Variants in PREX2 observed in about 807,000 individuals in gnomAD.
PREX2 encodes phosphatidylinositol-3,4,5-trisphosphate dependent Rac exchange factor 2.
PREX2 carries 107 observed loss-of-function variants against 203.2 expected under a neutral mutation model. The observed-to-expected ratio is 0.53, with a 90% confidence interval of 0.45 to 0.62. The LOEUF is 0.62. Ranked by LOEUF, PREX2 falls within the 20% of genes least tolerant of loss-of-function variation. The probability of loss-of-function intolerance (pLI) is 0.00; values close to 1 mark genes in which losing one functional copy is unlikely to be tolerated. For missense variants in PREX2, 1,777 were observed against 1,955.9 expected (o/e 0.91, Z 1.72); for synonymous variants, 672 against 663.6 (o/e 1.01, Z -0.19).
chr8:68,016,844 T>C (rs1807421697), intron 1 of PREX2, among the ~76,000 whole-genome samples: 1 of 152,164 alleles, frequency 6.6e-6, no homozygotes, highest in South Asian at 2.1e-4. Context: ...CTCAAACTCC[T>C]GGCCTTAAGG....
intron 22 of PREX2, among the ~76,000 whole-genome samples, chr8:68,097,434 C>T (rs1673655206): frequency 6.6e-6 from 1 of 151,914 alleles, no homozygotes; most frequent in Admixed American, 6.6e-5. Context: ...AAGCAATTCT[C>T]ATGCCTCAGT....
intron 1 of PREX2, among the ~76,000 whole-genome samples, chr8:67,980,708 TAGTG>T (rs1288331620): frequency 1.3e-5 from 2 of 152,238 alleles, no homozygotes; most frequent in African/African-American, 2.4e-5. Flanking sequence ...GTTCTCATGA[TAGTG>T]AGTGAGCTCT....
chr8:68,070,961 A>G (rs767987563), intron 13 of PREX2, among the ~76,000 whole-genome samples: 1 of 152,178 alleles, frequency 6.6e-6, no homozygotes, highest in South Asian at 2.1e-4. Context: ...TGACTCTGCC[A>G]TAATTCTTTC....
At chr8:68,172,559 A>G (rs1294434792) in intron 35 of PREX2, among the ~76,000 whole-genome samples, 1 of 152,246 alleles carries the variant, frequency 6.6e-6, no homozygotes, top group African/African-American at 2.4e-5. Context: ...ATGCATGAGT[A>G]CAAGAAGATA....
chr8:68,113,439 T>C (rs534609371), intron 25 of PREX2, among the ~76,000 whole-genome samples: 6 of 152,270 alleles, frequency 3.9e-5, no homozygotes, highest in South Asian at 4.1e-4. Context: ...ATAATTGGAG[T>C]TAGTCTAATG....
chr8:68,173,916 A>G (rs1420553539), intron 35 of PREX2, among the ~76,000 whole-genome samples: 1 of 152,224 alleles, frequency 6.6e-6, no homozygotes, highest in Non-Finnish European at 1.5e-5. Flanking sequence ...AGGAAAAATA[A>G]GCATACCCCA....
intron 39 of PREX2, among the ~76,000 whole-genome samples, chr8:68,228,068 T>C (rs1563596397): frequency 6.6e-6 from 1 of 152,228 alleles, no homozygotes; most frequent in East Asian, 1.9e-4. Flanking sequence ...GGTATTGTGA[T>C]AGGATAGAAT....
rs1158732139 is a variant in PREX2 at position 68,120,211 on chromosome 8, A to T, written c.3520A>T (p.Asn1174Tyr). The T allele has an allele frequency of 2.5e-6, 4 of 1,611,980 alleles. No individual in the cohort carries two copies. In the Admixed American group the frequency reaches 6.7e-5, roughly 27 times the overall value. ...HLFSQVDSITNLLKGQAVVRA... is the reference protein window; with the variant it reads ...HLFSQVDSITYLLKGQAVVRA... ...CTATTGATAGGTGGATTCAATTACC[A>T]ATCTCCTAAAAGGGCAGGCTGTTGT... Residue 1174 changes from asparagine (N) to tyrosine (Y), a missense_variant, in exon 29 of 40, where the codon AAT becomes TAT. Asn to Tyr is a moderately radical substitution (Grantham distance 143). Transcript: ENST00000288368.
intron 35 of PREX2, among the ~76,000 whole-genome samples, chr8:68,182,051 A>G (rs1812095292): frequency 6.6e-6 from 1 of 152,098 alleles, no homozygotes; most frequent in Admixed American, 6.6e-5. Context: ...GATGTGGAAG[A>G]TGAGTCTGGA....
intron 22 of PREX2, among the ~76,000 whole-genome samples, chr8:68,098,934 A>G (rs867626048): frequency 6.6e-5 from 7 of 106,152 alleles, no homozygotes; most frequent in Admixed American, 1.1e-4. Flanking sequence ...CTACATATAT[A>G]TGTGTATATA....
intron 15 of PREX2, 66 bp from the exon 16 acceptor site, chr8:68,080,377 C>G: frequency 7.1e-7 from 1 of 1,410,154 alleles, no homozygotes; most frequent in Non-Finnish European, 1.0e-6. Context: ...GTAAATGTCA[C>G]TGCTATTGAA....
rs1325456026 is a variant in PREX2 at position 68,217,737 on chromosome 8, T to G, written c.4707+19T>G. The G allele has an allele frequency of 6.4e-7, 1 of 1,566,856 alleles. No homozygotes were observed. The highest frequency in any genetic ancestry group is 1.7e-5 in the Admixed American group (1 of 59,676). On this transcript the variant is annotated intron_variant, in intron 38 of 39. Coordinates refer to ENST00000288368, the MANE Select transcript of PREX2 (RefSeq NM_024870.4). Reference sequence around the variant, plus strand: ...GAAGCAGGTAGGTCTCATGCAGACTTGGGAATAGTTGTTTTGTAGGCCCTG... The same window carrying G: ...GAAGCAGGTAGGTCTCATGCAGACTGGGGAATAGTTGTTTTGTAGGCCCTG...
intron 4 of PREX2, among the ~76,000 whole-genome samples, chr8:68,022,453 C>T (rs1280740436): frequency 6.6e-6 from 1 of 152,092 alleles, no homozygotes. Context: ...GTGTCCTTTA[C>T]TTCTGCTGAC....
At position 68,134,392 on chromosome 8, in the gene PREX2, C is replaced by T. The variant is rs543618498; in HGVS notation, c.3984+116C>T. ...CTGGTTATCTCTATGAATGTGCGTG[C>T]ATTCAGCTACTTTAAAAATATACAT... On this transcript the variant is annotated intron_variant, in intron 32 of 39. Transcript: ENST00000288368. 69 of 737,906 alleles carry T rather than the reference C, an allele frequency of 9.4e-5. No individual in the cohort carries two copies. In the South Asian group the frequency reaches 1.2e-3, roughly 13 times the overall value. 45.7% of individuals were successfully genotyped at this position (737,906 alleles called of 1,614,324 possible). A position where few individuals can be genotyped will look rare whatever the true frequency, so the allele number is the denominator to read the frequency against.
intron 35 of PREX2, among the ~76,000 whole-genome samples, chr8:68,170,034 T>C (rs1811844622): frequency 6.6e-6 from 1 of 152,214 alleles, no homozygotes; most frequent in African/African-American, 2.4e-5. Flanking sequence ...CTAGGTGATA[T>C]TTGAACATTA....
At chr8:68,019,425 G>T (rs2129610208) in intron 2 of PREX2, 124 bp from the exon 3 acceptor site, 1 of 697,938 alleles carries the variant, frequency 1.4e-6, no homozygotes, top group Non-Finnish European at 2.2e-6. Flanking sequence ...TTGAGGCTCT[G>T]TCGGCAAGGT....
chr8:68,136,241 T>C (rs186438398), intron 32 of PREX2, among the ~76,000 whole-genome samples: 64 of 152,058 alleles, frequency 4.2e-4, no homozygotes, highest in African/African-American at 1.4e-3. Flanking sequence ...ATGTGAGTTA[T>C]ATCTCAATGA....
Position 68,023,545 on chromosome 8 carries a change from A to C in PREX2, c.441+1405A>C, listed in dbSNP as rs191930195. On this transcript the variant is annotated intron_variant, in intron 4 of 39. Transcript: ENST00000288368. Reference sequence around the variant, plus strand: ...CCTATATCAGGTATACAATATGCAAATATTTCCTCTCAGTGTTGTTTGTCT... The same window carrying C: ...CCTATATCAGGTATACAATATGCAACTATTTCCTCTCAGTGTTGTTTGTCT... Among the ~76,000 whole-genome samples the C allele has an allele frequency of 7.4e-3, 1,124 of 152,272 alleles. 12 individuals are homozygous for C. Among genetic ancestry groups the C allele is most frequent in the African/African-American group, 0.026 (1,088 of 41,558 alleles).
At chr8:68,120,893 T>A in intron 29 of PREX2, 28 bp from the exon 30 acceptor site, 3 of 1,604,814 alleles carry the variant, frequency 1.9e-6, no homozygotes, top group Middle Eastern at 1.7e-4. Flanking sequence ...TATTTGAGAC[T>A]TAAGAGAGAT....
Sources: allele counts gnomAD v4.1 joint callset (sites outside exome capture counted in the v4.1 genomes callset), GRCh38; gene constraint gnomAD v4.1.1; transcripts MANE v1.5; gene names NCBI Gene and HGNC (gene_info 2026-07-23, HGNC 2026-07-21).